MED12L: variants seen among roughly 807,000 people sequenced by gnomAD.
MED12L encodes the protein mediator of RNA polymerase II transcription subunit 12-like protein.
In MED12L, 60 loss-of-function variants were observed where a neutral mutation model predicts 281.3. The observed-to-expected ratio is 0.21, with a 90% CI of 0.17 to 0.26. The LOEUF is 0.26. Among genes scored for constraint, MED12L ranks in the 10% least tolerant of loss-of-function variants. The probability of loss-of-function intolerance (pLI) is 1.00; values close to 1 mark genes in which losing one functional copy is unlikely to be tolerated. For synonymous variants in MED12L, 974 were observed against 987.2 expected, an observed-to-expected ratio of 0.99 and a Z score of 0.25; for missense variants, 2,146 against 2,680.9, an observed-to-expected ratio of 0.80 and a Z score of 4.41.
chr3:151,088,627 A>G (rs1454578848), intron 2 of MED12L, among the ~76,000 whole-genome samples: 1 of 152,024 alleles, frequency 6.6e-6, no homozygotes, highest in East Asian at 1.9e-4. Context: ...TGCTCATTTC[A>G]CGACTGGGGC....
chr3:151,095,192 T>G (rs757187704), intron 2 of MED12L, among the ~76,000 whole-genome samples: 8 of 152,210 alleles, frequency 5.3e-5, no homozygotes, highest in Non-Finnish European at 1.2e-4. Context: ...AGGAGCAGGT[T>G]TATACCAGCT....
At chr3:151,357,086 A>C in intron 19 of MED12L, 127 bp from the exon 20 acceptor site, 1 of 860,504 alleles carries the variant, frequency 1.2e-6, no homozygotes, top group Non-Finnish European at 1.7e-6. Context: ...AAAAATTTTA[A>C]AAAAGTTAAA....
intron 16 of MED12L, among the ~76,000 whole-genome samples, chr3:151,215,758 G>A (rs1220712265): frequency 6.6e-6 from 1 of 152,176 alleles, no homozygotes; most frequent in Non-Finnish European, 1.5e-5. Flanking sequence ...CTTGCCCTCA[G>A]GAGAATGCCC....
chr3:151,329,504 T>C (rs1750109221), intron 16 of MED12L: 1 of 1,548,210 alleles, frequency 6.5e-7, no homozygotes, highest in Admixed American at 2.0e-5. Flanking sequence ...CTCAGTTCTC[T>C]CTGTCTTCTT....
intron 16 of MED12L, chr3:151,295,350 C>T: frequency 1.6e-6 from 1 of 617,486 alleles, no homozygotes; most frequent in South Asian, 2.0e-5. Context: ...GTCAAGGTAG[C>T]ACATTGTTAA....
At chr3:151,336,556 T>TA (rs1391612306) in intron 16 of MED12L, 1 of 455,980 alleles carries the variant, frequency 2.2e-6, no homozygotes, top group Non-Finnish European at 4.4e-6. Context: ...CTGAGGATCA[T>TA]AAAAAATTGA....
chr3:151,210,283 A>C (rs577167260), intron 16 of MED12L, among the ~76,000 whole-genome samples: 2 of 152,352 alleles, frequency 1.3e-5, no homozygotes, highest in South Asian at 2.1e-4. Flanking sequence ...GGTCAGCTGC[A>C]TATGATAGCT....
At chr3:151,282,168 C>T (rs544712290) in intron 16 of MED12L, among the ~76,000 whole-genome samples, 1 of 152,266 alleles carries the variant, frequency 6.6e-6, no homozygotes, top group African/African-American at 2.4e-5. Context: ...GCCTCATCCC[C>T]ACTTGCTCTC....
Position 151,192,644 on chromosome 3 carries a change from C to T in MED12L, c.2063C>T (p.Ser688Leu), listed in dbSNP as rs61745350. 3.1e-5 allele frequency: 47 copies of T among 1,532,352 alleles called. No individual in the cohort carries two copies. The highest frequency in any genetic ancestry group is 1.8e-4 in the Admixed American group (9 of 50,996). The allele number at this position is 1,532,352 out of a possible 1,614,324, so 94.9% of individuals were successfully genotyped here. A position where few individuals can be genotyped will look rare whatever the true frequency, so the allele number is the denominator to read the frequency against. Residue 688 changes from serine (S) to leucine (L), a missense_variant, in exon 15 of 45, where the codon TCG becomes TTG. Ser to Leu is a moderately radical substitution (Grantham distance 145). This residue lies in a region of MED12L where 722 missense variants were observed against 861.2 expected (regional missense o/e 0.84). Transcript: ENST00000687756. ...AGTGACTTTAAAACTGACTTTGGTT[C>T]GGAATTTCCAGTAGGTTCAATCTTT... ...DKSDFKTDFG[S>L]EFPIFSPMPG...
chr3:151,125,115 A>G (rs1338765202), intron 4 of MED12L, among the ~76,000 whole-genome samples: 1 of 152,248 alleles, frequency 6.6e-6, no homozygotes, highest in Non-Finnish European at 1.5e-5. Context: ...TTTAGCTATC[A>G]TTTAAAATCA....
intron 16 of MED12L, among the ~76,000 whole-genome samples, chr3:151,320,327 A>G (rs1389476525): frequency 2.0e-5 from 3 of 152,208 alleles, no homozygotes; most frequent in Non-Finnish European, 2.9e-5. Flanking sequence ...TCTAATTGCA[A>G]CATAGCTCAA....
intron 16 of MED12L, among the ~76,000 whole-genome samples, chr3:151,289,223 G>A (rs191081411): frequency 6.0e-4 from 91 of 152,236 alleles, no homozygotes; most frequent in Admixed American, 6.0e-3. Context: ...ACATCTACAG[G>A]GAACGGATGA....
intron 11 of MED12L, 41 bp downstream of exon 11, chr3:151,166,023 A>G (rs377761903): frequency 1.2e-5 from 19 of 1,550,918 alleles, no homozygotes; most frequent in South Asian, 4.8e-5. Flanking sequence ...TTTTATTTTC[A>G]TAGTGTTTTT....
chr3:151,142,977 A>G lies in MED12L; in HGVS notation c.557-13184A>G, dbSNP rs115477126. 7.9e-3 allele frequency among the ~76,000 whole-genome samples: 1,202 copies of G among 152,346 alleles called. 11 individuals carry two copies. The highest frequency in any genetic ancestry group is 0.013 in the Non-Finnish European group (887 of 68,030). On this transcript the variant is annotated intron_variant, in intron 5 of 44. Transcript: ENST00000687756. ...GAATTCATAGGGTATGCCGGGTAGA[A>G]AACAGTTAAGGGTCAATAAATTATA...
At chr3:151,214,718 C>T (rs1364008022) in intron 16 of MED12L, among the ~76,000 whole-genome samples, 1 of 152,052 alleles carries the variant, frequency 6.6e-6, no homozygotes, top group African/African-American at 2.4e-5. Context: ...CTGAGAACTT[C>T]TAGGTAATAC....
intron 11 of MED12L, among the ~76,000 whole-genome samples, chr3:151,174,592 A>G (rs547111804): frequency 1.3e-5 from 2 of 152,372 alleles, no homozygotes; most frequent in South Asian, 4.1e-4. Flanking sequence ...CAAGACCTAA[A>G]GACTATCAAC....
At chr3:151,207,499 T>C (rs1726538291) in intron 16 of MED12L, among the ~76,000 whole-genome samples, 1 of 143,940 alleles carries the variant, frequency 6.9e-6, no homozygotes, top group African/African-American at 2.6e-5. Flanking sequence ...TGAGAAATTT[T>C]GGGGGGGACT....
chr3:151,374,936 A>T (rs947141645), intron 27 of MED12L, among the ~76,000 whole-genome samples: 2 of 151,806 alleles, frequency 1.3e-5, no homozygotes, highest in African/African-American at 2.4e-5. Flanking sequence ...TTCTCTTATA[A>T]AAAAAAAGTG....
chr3:151,135,840 A>G (rs974126929), intron 5 of MED12L, among the ~76,000 whole-genome samples: 1 of 152,244 alleles, frequency 6.6e-6, no homozygotes, highest in Non-Finnish European at 1.5e-5. Flanking sequence ...CCAGGGTGCC[A>G]TGGCAACTAG....
Sources: gnomAD v4.1 joint callset for allele counts (sites outside exome capture counted in the v4.1 genomes callset) on GRCh38, gnomAD v4.1.1 for gene constraint, gnomAD v4.1.1 regional missense constraint, MANE v1.5 for transcripts, NCBI Gene and HGNC (gene_info 2026-07-23, HGNC 2026-07-21) for gene names.